ZGRF1: variants seen among roughly 807,000 people sequenced by gnomAD.
The protein encoded by ZGRF1 is zinc finger GRF-type containing 1.
Under a neutral mutation model 203.5 loss-of-function variants are expected in ZGRF1, and 196 were observed. The ratio of observed to expected loss-of-function variants is 0.96; its 90% CI spans 0.86 to 1.08. ZGRF1 has a LOEUF of 1.08. ZGRF1 is among the 50% of genes least tolerant of loss of function. The pLI is 0.00. For synonymous variants in ZGRF1, 809 were observed against 841.3 expected, an observed-to-expected ratio of 0.96 and a Z score of 0.66; for missense variants, 2,326 against 2,416.3, an observed-to-expected ratio of 0.96 and a Z score of 0.78.
Position 112,631,929 on chromosome 4 carries a change from CTT to C in ZGRF1, c.101_102del (p.Lys34SerfsTer5). 4 of 1,576,918 alleles carry C rather than the reference CTT, an allele frequency of 2.5e-6. No homozygotes were observed. Among genetic ancestry groups the C allele is most frequent in the Non-Finnish European group, 2.6e-6 (3 of 1,161,016 alleles). On this transcript the variant is annotated frameshift_variant and splice_region_variant, in exon 3 of 28. Coordinates refer to ENST00000505019, the MANE Select transcript of ZGRF1 (RefSeq NM_018392.5). LOFTEE classifies it high-confidence loss of function. ...CCTATAGTCAACTGCTTTGTACTCA[CTT>C]TGTTTCCTAAGTGAGTGATCTTCAG... ...GILKITHLGN[K>X]AILYDDKGAC...
At chr4:112,599,578 C>T (rs1749598969) in intron 10 of ZGRF1, among the ~76,000 whole-genome samples, 2 of 151,306 alleles carry the variant, frequency 1.3e-5, no homozygotes, top group East Asian at 3.9e-4. Context: ...AAAAATTAGC[C>T]AGGCATGGTG....
intron 1 of ZGRF1, among the ~76,000 whole-genome samples, chr4:112,634,818 C>T (rs2047528853): frequency 6.6e-6 from 1 of 152,056 alleles, no homozygotes; most frequent in South Asian, 2.1e-4. Flanking sequence ...ACCAAACCTA[C>T]AGAAGGACTG....
chr4:112,608,136 C>CT (rs1163497809), intron 8 of ZGRF1, among the ~76,000 whole-genome samples: 1 of 152,176 alleles, frequency 6.6e-6, no homozygotes, highest in East Asian at 1.9e-4. Flanking sequence ...AGGCTGGACT[C>CT]TATCTCAACT....
chr4:112,577,068 ACAGC>A (rs1745380495), intron 16 of ZGRF1, among the ~76,000 whole-genome samples: 1 of 126,360 alleles, frequency 7.9e-6, no homozygotes, highest in African/African-American at 2.7e-5. Flanking sequence ...CATTAGACTA[ACAGC>A]TGATCTCTCA....
chr4:112,605,831 CA>C, intron 9 of ZGRF1, 176 bp downstream of exon 9: 7 of 564,768 alleles, frequency 1.2e-5, no homozygotes, highest in Non-Finnish European at 1.6e-5. Flanking sequence ...AGTTTAAGAC[CA>C]AAAAGGGGGG....
intron 20 of ZGRF1, among the ~76,000 whole-genome samples, chr4:112,556,546 T>A (rs1237053232): frequency 6.6e-6 from 1 of 152,140 alleles, no homozygotes; most frequent in Non-Finnish European, 1.5e-5. Context: ...TATGTCACCA[T>A]TCCCAGCTAA....
rs1395845803 is a variant in ZGRF1 at position 112,565,070 on chromosome 4, A to G, written c.4439-1796T>C. 4.8e-6 allele frequency: 6 copies of G among 1,252,154 alleles called. No individual in the cohort carries two copies. In the Middle Eastern group the frequency reaches 5.6e-4, roughly 116 times the overall value. The allele number at this position is 1,252,154 out of a possible 1,614,324, so 77.6% of individuals were successfully genotyped here. ...CAACTGGCTACAAAAGCCGCTCGCAAGAGTGTGCCCTCTACTGGAGGGGTG... is the reference window on the plus strand; with the variant it reads ...CAACTGGCTACAAAAGCCGCTCGCAGGAGTGTGCCCTCTACTGGAGGGGTG... On this transcript the variant is annotated intron_variant, in intron 16 of 27. Transcript: ENST00000505019.
intron 14 of ZGRF1, 136 bp from the exon 15 acceptor site, chr4:112,584,310 A>G: frequency 2.4e-6 from 1 of 418,274 alleles, no homozygotes; most frequent in Non-Finnish European, 4.2e-6. Context: ...TATATGACTT[A>G]ACTTTATCAT....
chr4:112,590,089 T>C (rs1747901846), intron 10 of ZGRF1, among the ~76,000 whole-genome samples: 1 of 152,256 alleles, frequency 6.6e-6, no homozygotes, highest in South Asian at 2.1e-4. Flanking sequence ...GAGCATAAAA[T>C]CTTTCAGATT....
Position 112,541,160 on chromosome 4 carries a change from T to A in ZGRF1, c.5707A>T (p.Ile1903Leu). 6.2e-7 allele frequency: 1 copy of A among 1,611,990 alleles called. No individual in the cohort carries two copies. The highest frequency in any genetic ancestry group is 8.5e-7 in the Non-Finnish European group (1 of 1,178,962). The change falls in exon 25 of 28, where the codon ATA becomes TTA. Residue 1903 changes from isoleucine (I) to leucine (L), a missense_variant. Physicochemically the swap from Ile to Leu is conservative, Grantham distance 5. Transcript: ENST00000505019. ...KGALMNGVTE[I>L]ERSPLLEWLP... is the part of the protein sequence containing the mutation. ...CATTCCAATAAAGGGCTCCGCTCTA[T>A]TTCTGTTACACCATTCATGAGGGCT... is the stretch of plus-strand genomic sequence containing the variant.
intron 8 of ZGRF1, among the ~76,000 whole-genome samples, chr4:112,606,768 AAAGG>A (rs1481853014): frequency 6.6e-6 from 1 of 152,212 alleles, no homozygotes; most frequent in Non-Finnish European, 1.5e-5. Context: ...GTAAGAAATG[AAAGG>A]AAGAAAAATT....
intron 4 of ZGRF1, among the ~76,000 whole-genome samples, chr4:112,621,325 G>A (rs540749509): frequency 6.6e-6 from 1 of 152,062 alleles, no homozygotes; most frequent in Non-Finnish European, 1.5e-5. Context: ...AGCAAATGTA[G>A]TACTTGCCAC....
intron 11 of ZGRF1, 120 bp from the exon 12 acceptor site, chr4:112,588,049 ATTATT>A (rs36205492): frequency 0.18 from 96,890 of 535,004 alleles, 11,300 homozygotes; most frequent in East Asian, 0.5. Flanking sequence ...AAAAAATCAC[ATTATT>A]TTATTTCCTT....
At position 112,547,332 on chromosome 4, in the gene ZGRF1, G is replaced by A; in HGVS notation, c.5551C>T (p.His1851Tyr). 6.2e-7 allele frequency: 1 copy of A among 1,613,646 alleles called. No homozygotes were observed. The highest frequency in any genetic ancestry group is 8.5e-7 in the Non-Finnish European group (1 of 1,179,752). ...PPTIQGSDAA[H>Y]ENGLEQTLFD... ...AGAGTTTGTTCCAATCCATTTTCAT[G>A]AGCTGCATCAGAACCCTGAATAGTA... The change falls in exon 24 of 28, where the codon CAT becomes TAT. Residue 1851 changes from histidine (H) to tyrosine (Y), a missense_variant. Transcript: ENST00000505019.
At chr4:112,546,619 C>T (rs1048825838) in intron 24 of ZGRF1, among the ~76,000 whole-genome samples, 25 of 152,198 alleles carry the variant, frequency 1.6e-4, no homozygotes, top group African/African-American at 5.3e-4. Flanking sequence ...CCCATTATCA[C>T]ATGAGTGGGT....
rs767296222 is a variant in ZGRF1, at chr4:112,547,299, G to A, written c.5584C>T (p.Arg1862Ter). 2.1e-5 allele frequency: 34 copies of A among 1,612,328 alleles called. No homozygotes were observed. In the South Asian group the frequency reaches 2.2e-4, roughly 10 times the overall value. The change falls in exon 24 of 28, where the codon CGA becomes TGA. Residue 1862 changes from arginine (R) to a stop codon, truncating the protein, a stop_gained. Coordinates refer to ENST00000505019, the MANE Select transcript of ZGRF1 (RefSeq NM_018392.5). LOFTEE classifies it high-confidence loss of function. ...GCAGTATGTACCATTAAGCAAAGTCGATCAAAAAGAGTTTGTTCCAATCCA... is the reference window on the plus strand; with the variant it reads ...GCAGTATGTACCATTAAGCAAAGTCAATCAAAAAGAGTTTGTTCCAATCCA... Reference protein sequence around the residue: ...ENGLEQTLFDRLCLMGHKPIL... With the variant: ...ENGLEQTLFD
At position 112,539,617 on chromosome 4, in the gene ZGRF1, T is replaced by G; in HGVS notation, c.6245A>C (p.Glu2082Ala). The G allele has an allele frequency of 6.3e-7, 1 of 1,594,906 alleles. No homozygotes were observed. The highest frequency in any genetic ancestry group is 2.2e-5 in the East Asian group (1 of 44,624). ...CTTCTGTTTTTCTTCCACTTGTTTT[T>G]CAAAATAATCTTTAAGGAGATGGTT... ...QLNHLLKDYF[E>A]KQVEEKQKKK... Residue 2082 changes from glutamate to alanine, a missense_variant, in exon 28 of 28, where the codon GAA becomes GCA. Transcript: ENST00000505019.
chr4:112,595,298 C>A (rs967993829), intron 10 of ZGRF1, among the ~76,000 whole-genome samples: 2 of 152,164 alleles, frequency 1.3e-5, no homozygotes, highest in Admixed American at 6.5e-5. Context: ...TTGCTAATAT[C>A]AAACACGTTC....
At chr4:112,608,278 A>G (rs1301008451) in intron 8 of ZGRF1, among the ~76,000 whole-genome samples, 1 of 152,292 alleles carries the variant, frequency 6.6e-6, no homozygotes, top group Non-Finnish European at 1.5e-5. Flanking sequence ...AAAAATAATG[A>G]TAGTGTTTAT....
Sources: gnomAD v4.1 joint callset for allele counts (sites outside exome capture counted in the v4.1 genomes callset) on GRCh38, gnomAD v4.1.1 for gene constraint, MANE v1.5 for transcripts, NCBI Gene and HGNC (gene_info 2026-07-23, HGNC 2026-07-21) for gene names.